Variants in CNTN5 observed in about 807,000 individuals in gnomAD.
The protein encoded by CNTN5 is contactin-5.
In CNTN5, 77 loss-of-function variants were observed where a neutral mutation model predicts 129.1. The observed-to-expected ratio is 0.60, with a 90% CI of 0.50 to 0.72. The LOEUF is 0.72. Among genes scored for constraint, CNTN5 ranks in the 30% least tolerant of loss-of-function variants. The probability of loss-of-function intolerance (pLI) is 0.00; values close to 1 mark genes in which losing one functional copy is unlikely to be tolerated. For synonymous variants in CNTN5, 509 were observed against 465.6 expected (o/e 1.09, Z -1.20); for missense variants, 1,478 against 1,328.8 (o/e 1.11, Z -1.75).
At chr11:99,055,210 C>A (rs577523788) in intron 1 of CNTN5, among the ~76,000 whole-genome samples, 1 of 152,012 alleles carries the variant, frequency 6.6e-6, no homozygotes, top group African/African-American at 2.4e-5. Context: ...CCAGTGAAAG[C>A]TTCACAGAGA....
intron 3 of CNTN5, among the ~76,000 whole-genome samples, chr11:99,627,226 C>T (rs1327281670): frequency 6.6e-6 from 1 of 152,052 alleles, no homozygotes; most frequent in African/African-American, 2.4e-5. Flanking sequence ...CAGCTATATC[C>T]CTCGCCTTAC....
intron 3 of CNTN5, among the ~76,000 whole-genome samples, chr11:99,647,812 T>C (rs1952021567): frequency 6.6e-6 from 1 of 151,864 alleles, no homozygotes; most frequent in Non-Finnish European, 1.5e-5. Context: ...TCTATACTAA[T>C]GGGGTTACTT....
rs1336912001 is a variant in CNTN5, at chr11:100,193,673, T to C, written c.1884+10T>C. The C allele has an allele frequency of 1.2e-6, 2 of 1,606,560 alleles. No individual in the cohort carries two copies. The highest frequency in any genetic ancestry group is 1.1e-5 in the South Asian group (1 of 89,828). On this transcript the variant is annotated intron_variant, in intron 15 of 24. Coordinates refer to ENST00000524871, the MANE Select transcript of CNTN5 (RefSeq NM_014361.4). ...TGAAAGCATCAGGGCCGTAAGTGAA[T>C]ACACTTTTATTCTTTTAGTAATGAT...
intron 1 of CNTN5, among the ~76,000 whole-genome samples, chr11:99,132,113 A>G (rs1858971147): frequency 6.6e-6 from 1 of 152,162 alleles, no homozygotes; most frequent in Non-Finnish European, 1.5e-5. Context: ...ATCAGTAAGC[A>G]TAATTCCTCA....
intron 1 of CNTN5, among the ~76,000 whole-genome samples, chr11:99,154,391 G>C (rs550288942): frequency 6.6e-6 from 1 of 152,324 alleles, no homozygotes; most frequent in African/African-American, 2.4e-5. Context: ...GCAGCATGGA[G>C]AGACAGGGCT....
chr11:99,709,670 T>C (rs2134940804), intron 3 of CNTN5, among the ~76,000 whole-genome samples: 1 of 151,996 alleles, frequency 6.6e-6, no homozygotes, highest in East Asian at 2.0e-4. Flanking sequence ...AGGTTTTTAA[T>C]AAGTAAATAA....
intron 13 of CNTN5, among the ~76,000 whole-genome samples, chr11:100,188,562 T>TG (rs1948374979): frequency 6.6e-6 from 1 of 152,128 alleles, no homozygotes; most frequent in African/African-American, 2.4e-5. Context: ...CCAGTCAAAA[T>TG]GGCTATCATT....
At chr11:99,933,056 C>G (rs1459153626) in intron 7 of CNTN5, among the ~76,000 whole-genome samples, 1 of 151,960 alleles carries the variant, frequency 6.6e-6, no homozygotes, top group Non-Finnish European at 1.5e-5. Flanking sequence ...ATTAATTGTT[C>G]TAAAGCAAAT....
At chr11:99,156,761 T>C (rs1186638452) in intron 1 of CNTN5, among the ~76,000 whole-genome samples, 1 of 152,056 alleles carries the variant, frequency 6.6e-6, no homozygotes, top group East Asian at 1.9e-4. Flanking sequence ...CTTCTAATTA[T>C]ATGTCTACAC....
At chr11:100,278,082 T>G (rs1195727753) in intron 18 of CNTN5, among the ~76,000 whole-genome samples, 1 of 152,112 alleles carries the variant, frequency 6.6e-6, no homozygotes, top group Non-Finnish European at 1.5e-5. Flanking sequence ...TTCTTTGATG[T>G]ATGTTCTGAG....
intron 21 of CNTN5, among the ~76,000 whole-genome samples, chr11:100,317,615 C>CAAACGT (rs1951595331): frequency 6.6e-6 from 1 of 152,060 alleles, no homozygotes; most frequent in South Asian, 2.1e-4. Context: ...ACTCTGAGGC[C>CAAACGT]AACTAAAAAT....
At chr11:99,792,760 C>A (rs1444447339) in intron 3 of CNTN5, among the ~76,000 whole-genome samples, 1 of 152,042 alleles carries the variant, frequency 6.6e-6, no homozygotes, top group Non-Finnish European at 1.5e-5. Context: ...TGGTCCTGGG[C>A]ATTCTCTGGT....
intron 1 of CNTN5, among the ~76,000 whole-genome samples, chr11:99,082,374 G>A (rs948055069): frequency 5.9e-5 from 9 of 152,024 alleles, no homozygotes; most frequent in African/African-American, 1.9e-4. Context: ...TAGTAGAGAC[G>A]GGGTTTCACC....
At chr11:100,108,064 T>C (rs1047115670) in intron 13 of CNTN5, among the ~76,000 whole-genome samples, 5 of 150,964 alleles carry the variant, frequency 3.3e-5, no homozygotes, top group Admixed American at 6.7e-5. Context: ...TTGATGAAAG[T>C]AGAAGACTTG....
chr11:99,658,065 C>A (rs899712998), intron 3 of CNTN5, among the ~76,000 whole-genome samples: 1 of 151,900 alleles, frequency 6.6e-6, no homozygotes, highest in African/African-American at 2.4e-5. Context: ...TATCAAACAC[C>A]TTTTTAGGTG....
chr11:99,306,892 A>G (rs893758356), intron 1 of CNTN5, among the ~76,000 whole-genome samples: 5 of 152,078 alleles, frequency 3.3e-5, no homozygotes, highest in African/African-American at 4.8e-5. Context: ...AAGTATTAAG[A>G]AGTCATAAAC....
intron 21 of CNTN5, chr11:100,309,768 T>C (rs1439940436): frequency 1.1e-6 from 1 of 939,090 alleles, no homozygotes; most frequent in African/African-American, 1.8e-5. Flanking sequence ...GTTTGTCCAG[T>C]TTCCCTTCTC....
intron 3 of CNTN5, among the ~76,000 whole-genome samples, chr11:99,734,187 A>G (rs1441402779): frequency 6.6e-6 from 1 of 152,224 alleles, no homozygotes; most frequent in Non-Finnish European, 1.5e-5. Context: ...TAATCATATC[A>G]GAGTCAATGG....
chr11:99,272,302 T>C (rs1863211552), intron 1 of CNTN5, among the ~76,000 whole-genome samples: 1 of 151,788 alleles, frequency 6.6e-6, no homozygotes, highest in South Asian at 2.1e-4. Flanking sequence ...AGCAGTCTTT[T>C]TTTTTTTTAA....
Sources: allele counts gnomAD v4.1 joint callset (sites outside exome capture counted in the v4.1 genomes callset), GRCh38; gene constraint gnomAD v4.1.1; transcripts MANE v1.5; gene names NCBI Gene and HGNC (gene_info 2026-07-23, HGNC 2026-07-21).